The following NTNG1 variants were observed in gnomAD, a reference collection of about 807,000 sequenced individuals.
NTNG1 encodes netrin-G1.
Under a neutral mutation model 54.0 loss-of-function variants are expected in NTNG1, and 16 were observed. That is an observed-to-expected ratio of 0.30 (90% CI 0.20 to 0.45). The LOEUF (loss-of-function observed/expected upper bound fraction) is 0.45. Ranked by LOEUF, NTNG1 falls within the 20% of genes least tolerant of loss-of-function variation. The pLI, the probability that NTNG1 is intolerant of heterozygous loss-of-function variation, is 1.00. For missense variants in NTNG1, 530 were observed against 678.7 expected, an observed-to-expected ratio of 0.78 and a Z score of 2.43; for synonymous variants, 255 against 263.1, an observed-to-expected ratio of 0.97 and a Z score of 0.30.
At chr1:107,295,953 C>T (rs2101783042) in intron 2 of NTNG1, among the ~76,000 whole-genome samples, 1 of 152,034 alleles carries the variant, frequency 6.6e-6, no homozygotes, top group South Asian at 2.1e-4. Flanking sequence ...CTTCATATGC[C>T]CTTGACCCAT....
chr1:107,459,079 C>T (rs1016910676), intron 7 of NTNG1, among the ~76,000 whole-genome samples: 34 of 152,016 alleles, frequency 2.2e-4, no homozygotes. Context: ...AATGGCATTA[C>T]TGGATTTTGA....
At chr1:107,319,676 C>T (rs565132543) in intron 2 of NTNG1, among the ~76,000 whole-genome samples, 9 of 152,182 alleles carry the variant, frequency 5.9e-5, no homozygotes, top group East Asian at 1.9e-4. Context: ...TTAACCCAAA[C>T]GCGTCTCACA....
intron 2 of NTNG1, among the ~76,000 whole-genome samples, chr1:107,245,058 G>GT (rs1456194203): frequency 6.6e-6 from 1 of 152,038 alleles, no homozygotes; most frequent in Non-Finnish European, 1.5e-5. Flanking sequence ...TCTCGGAACT[G>GT]TATCAAAAAA....
intron 2 of NTNG1, among the ~76,000 whole-genome samples, chr1:107,198,892 GC>G (rs1298707085): frequency 6.6e-6 from 1 of 151,828 alleles, no homozygotes; most frequent in Non-Finnish European, 1.5e-5. Flanking sequence ...GGAGCAACGG[GC>G]TATATTCTGG....
chr1:107,411,863 CA>C (rs1673837570), intron 5 of NTNG1, among the ~76,000 whole-genome samples: 1 of 152,126 alleles, frequency 6.6e-6, no homozygotes, highest in African/African-American at 2.4e-5. Flanking sequence ...TGGCATTTCA[CA>C]TTCATGAAAT....
chr1:107,363,872 T>C (rs1271564607), intron 3 of NTNG1, among the ~76,000 whole-genome samples: 2 of 152,232 alleles, frequency 1.3e-5, no homozygotes, highest in African/African-American at 4.8e-5. Flanking sequence ...ACATAATTGC[T>C]ACCTATCTTA....
chr1:107,274,500 C>T (rs760923801), intron 2 of NTNG1, among the ~76,000 whole-genome samples: 1 of 152,168 alleles, frequency 6.6e-6, no homozygotes, highest in Non-Finnish European at 1.5e-5. Flanking sequence ...TATTATCATC[C>T]CTTCCTTTTA....
chr1:107,415,124 G>T (rs953050381), intron 5 of NTNG1, among the ~76,000 whole-genome samples: 9 of 152,102 alleles, frequency 5.9e-5, no homozygotes, highest in African/African-American at 2.2e-4. Context: ...GACAAATTCA[G>T]TCAATTTTAA....
Position 107,483,533 on chromosome 1 carries a change from G to C in NTNG1, c.*2693G>C, listed in dbSNP as rs975336341. The C allele has an allele frequency of 6.6e-6, 1 of 152,174 alleles. No individual in the cohort carries two copies. The highest frequency in any genetic ancestry group is 2.4e-5 in the African/African-American group (1 of 41,438). 9.4% of individuals were successfully genotyped at this position (152,174 alleles called of 1,614,324 possible). A position where few individuals can be genotyped will look rare whatever the true frequency, so the allele number is the denominator to read the frequency against. ...TCTTCTAAAGGAGCTACTCCTCTGA[G>C]GAAACCTCAACTCAGTGGACTTGAT... is the stretch of plus-strand genomic sequence containing the variant. On this transcript the variant is annotated 3_prime_UTR_variant, in exon 8 of 8. Transcript: ENST00000370068.
At chr1:107,458,173 A>G (rs1273807719) in intron 7 of NTNG1, among the ~76,000 whole-genome samples, 1 of 152,138 alleles carries the variant, frequency 6.6e-6, no homozygotes, top group Non-Finnish European at 1.5e-5. Flanking sequence ...CTTTAAATCT[A>G]TTAGTCAGAT....
At chr1:107,312,163 T>G (rs1329685924) in intron 2 of NTNG1, among the ~76,000 whole-genome samples, 1 of 152,160 alleles carries the variant, frequency 6.6e-6, no homozygotes. Flanking sequence ...AGAAGAAATA[T>G]ATTTTTAAAA....
chr1:107,240,911 T>C (rs1661781818), intron 2 of NTNG1, among the ~76,000 whole-genome samples: 3 of 152,342 alleles, frequency 2.0e-5, no homozygotes, highest in Middle Eastern at 6.8e-3. Context: ...TCTGTACTCT[T>C]AGTTTCTTAG....
At chr1:107,357,261 T>TCCATTATAGTAGTTGA (rs138338106) in intron 3 of NTNG1, among the ~76,000 whole-genome samples, 13,746 of 152,190 alleles carry the variant, frequency 0.09, 729 homozygotes, top group Admixed American at 0.14. Context: ...GCTGACCTGA[T>TCCATTATAGTAGTTGA]CCTCATTGAG....
At chr1:107,304,212 G>A (rs1392663812) in intron 2 of NTNG1, among the ~76,000 whole-genome samples, 1 of 150,402 alleles carries the variant, frequency 6.6e-6, no homozygotes, top group Non-Finnish European at 1.5e-5. Context: ...TTTCTTTCTG[G>A]CATTTTAAAA....
intron 2 of NTNG1, among the ~76,000 whole-genome samples, chr1:107,288,140 T>C (rs1665321739): frequency 6.6e-6 from 1 of 152,064 alleles, no homozygotes; most frequent in South Asian, 2.1e-4. Context: ...GAAGGATAAA[T>C]AAATGGCATC....
intron 1 of NTNG1, among the ~76,000 whole-genome samples, chr1:107,147,455 T>G (rs1654209550): frequency 6.7e-6 from 1 of 149,614 alleles, no homozygotes; most frequent in Non-Finnish European, 1.5e-5. Flanking sequence ...CCTTTGGTTT[T>G]ATTTTTGATT....
chr1:107,148,174 C>A lies in NTNG1; in HGVS notation c.-420C>A. ...TGATATCTCAGCCTGCTTGAGCATC[C>A]CTTGTGAGCTGTGAACATTGAGGAT... On this transcript the variant is annotated 5_prime_UTR_variant, in exon 2 of 8. Transcript: ENST00000370068. 1 of 159,166 alleles carries A rather than the reference C, an allele frequency of 6.3e-6. No individual in the cohort carries two copies. Among genetic ancestry groups the A allele is most frequent in the Admixed American group, 6.1e-5 (1 of 16,472 alleles). The allele number at this position is 159,166 out of a possible 1,614,324, so 9.9% of individuals were successfully genotyped here.
intron 7 of NTNG1, among the ~76,000 whole-genome samples, chr1:107,458,835 C>A (rs1677104852): frequency 6.6e-6 from 1 of 152,076 alleles, no homozygotes; most frequent in Admixed American, 6.5e-5. Flanking sequence ...TGTAGATTTT[C>A]TGTATCTGGT....
chr1:107,173,723 C>T (rs1178635721), intron 2 of NTNG1, among the ~76,000 whole-genome samples: 23 of 132,894 alleles, frequency 1.7e-4, no homozygotes, highest in Admixed American at 2.2e-4. Context: ...TTCTTTCTTT[C>T]TTTCTTTTTT....
Sources: gnomAD v4.1 joint callset for allele counts (sites outside exome capture counted in the v4.1 genomes callset) on GRCh38, gnomAD v4.1.1 for gene constraint, MANE v1.5 for transcripts, NCBI Gene and HGNC (gene_info 2026-07-23, HGNC 2026-07-21) for gene names.